The following VPS13D variants were observed in gnomAD, a reference collection of about 807,000 sequenced individuals.
VPS13D encodes vacuolar protein sorting 13 homolog D, also known as intermembrane lipid transfer protein VPS13D.
In VPS13D, 187 loss-of-function variants were observed where a neutral mutation model predicts 461.9. That is an observed-to-expected ratio of 0.40 (90% CI 0.36 to 0.46). The LOEUF is 0.46. Among genes scored for constraint, VPS13D ranks in the 20% least tolerant of loss-of-function variants. The pLI is 0.60. For synonymous variants in VPS13D, 1,951 were observed against 1,986.3 expected (o/e 0.98, Z 0.47); for missense variants, 4,711 against 5,364.9 (o/e 0.88, Z 3.81).
Position 12,440,657 on chromosome 1 carries a change from C to T in VPS13D, c.12334-15341C>T, listed in dbSNP as rs572022965. On this transcript the variant is annotated intron_variant, in intron 65 of 69. Coordinates refer to ENST00000620676, the MANE Select transcript of VPS13D (RefSeq NM_015378.4). ...TTGTGGGGCTGAGGTGGGTGGATCACTTGAGGCCAGGAGTTGGAGCTCAGC... is the reference window on the plus strand; with the variant it reads ...TTGTGGGGCTGAGGTGGGTGGATCATTTGAGGCCAGGAGTTGGAGCTCAGC... 2.6e-5 allele frequency among the ~76,000 whole-genome samples: 4 copies of T among 152,270 alleles called. No homozygotes were observed. The South Asian group carries it at 6.2e-4, about 24-fold the overall frequency.
intron 7 of VPS13D, among the ~76,000 whole-genome samples, chr1:12,254,513 CTTTTT>C (rs1017635589): frequency 3.8e-5 from 3 of 78,256 alleles, no homozygotes; most frequent in Non-Finnish European, 5.2e-5. Context: ...AAATCTCAAT[CTTTTT>C]TTTTTTTTTT....
intron 18 of VPS13D, among the ~76,000 whole-genome samples, chr1:12,274,425 T>C (rs1196998496): frequency 6.6e-6 from 1 of 151,648 alleles, no homozygotes; most frequent in Non-Finnish European, 1.5e-5. Context: ...GATCTACCTG[T>C]CTTGGCGACC....
rs779649386 is a variant in VPS13D, at chr1:12,290,964, A to ACATAGTAAT, written c.5726-33_5726-25dup. 3.4e-5 allele frequency: 53 copies of ACATAGTAAT among 1,563,770 alleles called. No homozygotes were observed. In the Middle Eastern group the frequency reaches 5.1e-4, roughly 15 times the overall value. On this transcript the variant is annotated intron_variant, in intron 22 of 69. Coordinates refer to ENST00000620676, the MANE Select transcript of VPS13D (RefSeq NM_015378.4). ...TTTAAGTTGTGTGACAAAAAAGGAT[A>ACATAGTAAT]CATAGTAATGTGTTCTAACTTTATC...
chr1:12,283,197 A>G lies in VPS13D; in HGVS notation c.5095A>G (p.Ser1699Gly). ...MVSRGAPKPSSLAQKEYLSQS... is the reference protein window; with the variant it reads ...MVSRGAPKPSGLAQKEYLSQS... ...GTCTCGAGGAGCCCCTAAGCCATCT[A>G]GTTTAGCACAAAAAGAATACCTTTC... Residue 1699 changes from serine (S) to glycine (G), a missense_variant, in exon 21 of 70, where the codon AGT (serine) becomes GGT (glycine). Physicochemically the swap from Ser to Gly is moderately conservative, Grantham distance 56. This residue lies in a region of VPS13D where 4,411 missense variants were observed against 4,937.8 expected (regional missense o/e 0.89). Coordinates refer to ENST00000620676, the MANE Select transcript of VPS13D (RefSeq NM_015378.4). The G allele has an allele frequency of 2.3e-5, 37 of 1,614,200 alleles. No individual in the cohort carries two copies. Among genetic ancestry groups the G allele is most frequent in the Non-Finnish European group, 3.1e-5 (36 of 1,180,016 alleles).
Position 12,230,956 on chromosome 1 carries a change from G to T in VPS13D, c.-77+836G>T, listed in dbSNP as rs1222598910. Among the ~76,000 whole-genome samples, 8 of 152,250 alleles carry T rather than the reference G, an allele frequency of 5.3e-5. No individual in the cohort carries two copies. In the South Asian group the frequency reaches 1.4e-3, roughly 28 times the overall value. On this transcript the variant is annotated intron_variant, in intron 1 of 69. Transcript: ENST00000620676. Reference sequence around the variant, plus strand: ...TCGCCTTCCGGGCAGTGCCGTTCCTGTGGGGCCACCGGTCGCACAGCCGTC... The same window carrying T: ...TCGCCTTCCGGGCAGTGCCGTTCCTTTGGGGCCACCGGTCGCACAGCCGTC...
At chr1:12,446,428 A>G (rs1173532687) in intron 65 of VPS13D, among the ~76,000 whole-genome samples, 1 of 152,026 alleles carries the variant, frequency 6.6e-6, no homozygotes, top group African/African-American at 2.4e-5. Context: ...AAAAAGAAAA[A>G]AAAAAAAAAG....
intron 6 of VPS13D, among the ~76,000 whole-genome samples, chr1:12,253,184 A>G (rs1640796716): frequency 6.6e-6 from 1 of 152,136 alleles, no homozygotes; most frequent in South Asian, 2.1e-4. Flanking sequence ...AATTCTGTAT[A>G]ACAATGATTT....
chr1:12,368,564 T>A lies in VPS13D; in HGVS notation c.10545T>A (p.Pro3515=), dbSNP rs138589707. 1.3e-4 allele frequency: 206 copies of A among 1,613,264 alleles called. 1 individual carries two copies. Among genetic ancestry groups the A allele is most frequent in the Non-Finnish European group, 1.6e-4 (193 of 1,179,710 alleles). The change falls in exon 53 of 70, where the codon CCT becomes CCA. Residue 3515 remains proline (P), a synonymous_variant. Transcript: ENST00000620676. ...TTAGTGACACAGATCAGTTACCTCCTCCTTTCCGAATTGACAACTTTTCTA... is the reference window on the plus strand; with the variant it reads ...TTAGTGACACAGATCAGTTACCTCCACCTTTCCGAATTGACAACTTTTCTA... The part of the protein sequence containing the change: ...ISFSDTDQLP[P]PFRIDNFSKV...
At chr1:12,453,569 G>A (rs1459633258) in intron 65 of VPS13D, among the ~76,000 whole-genome samples, 1 of 152,188 alleles carries the variant, frequency 6.6e-6, no homozygotes, top group Non-Finnish European at 1.5e-5. Flanking sequence ...TCTGGAACCT[G>A]AAGAACGCTG....
At chr1:12,330,045 A>C (rs1181825272) in intron 37 of VPS13D, 127 bp downstream of exon 37, 1 of 709,826 alleles carries the variant, frequency 1.4e-6, no homozygotes, top group African/African-American at 1.8e-5. Context: ...AAAGATGAAA[A>C]GCAAGTAGAC....
rs115258223 is a variant in VPS13D at position 12,394,539 on chromosome 1, C to T, written c.11635-5642C>T. The stretch of plus-strand genomic sequence containing the variant: ...TGTAGCTAATGATTGCTGTTCCCAC[C>T]GTTAGATCTGACATACAGAGAAAAG... On this transcript the variant is annotated intron_variant, in intron 60 of 69. Coordinates refer to ENST00000620676, the MANE Select transcript of VPS13D (RefSeq NM_015378.4). Among the ~76,000 whole-genome samples the T allele has an allele frequency of 3.6e-3, 545 of 152,256 alleles. 2 individuals are homozygous for T. Among genetic ancestry groups the T allele is most frequent in the African/African-American group, 0.011 (459 of 41,548 alleles).
At chr1:12,381,822 G>T (rs533020286) in intron 57 of VPS13D, among the ~76,000 whole-genome samples, 3 of 152,220 alleles carry the variant, frequency 2.0e-5, no homozygotes, top group South Asian at 2.1e-4. Context: ...GATTCTGGAG[G>T]CTGCCTGATT....
chr1:12,291,185 C>CT, intron 23 of VPS13D, 61 bp downstream of exon 23: 1 of 1,559,752 alleles, frequency 6.4e-7, no homozygotes, highest in Non-Finnish European at 8.7e-7. Flanking sequence ...GTTTCAGATT[C>CT]TTGTTGGCTA....
intron 60 of VPS13D, among the ~76,000 whole-genome samples, chr1:12,388,395 T>G (rs1267381065): frequency 6.6e-6 from 1 of 151,900 alleles, no homozygotes; most frequent in Non-Finnish European, 1.5e-5. Flanking sequence ...GCCAACGTGG[T>G]GAAACCCCAT....
chr1:12,401,938 G>GA (rs1430420098), intron 62 of VPS13D, among the ~76,000 whole-genome samples: 2 of 152,158 alleles, frequency 1.3e-5, no homozygotes, highest in Non-Finnish European at 2.9e-5. Context: ...TGGAATCCTG[G>GA]AGTATCCAGT....
intron 53 of VPS13D, 147 bp from the exon 54 acceptor site, chr1:12,369,320 T>G: frequency 5.5e-6 from 4 of 721,316 alleles, no homozygotes; most frequent in Non-Finnish European, 9.3e-6. Context: ...ATTCGAAAGG[T>G]GAGATGATGA....
At chr1:12,415,427 T>C (rs1253776860) in intron 64 of VPS13D, among the ~76,000 whole-genome samples, 1 of 152,152 alleles carries the variant, frequency 6.6e-6, no homozygotes, top group East Asian at 1.9e-4. Context: ...GAGCTGTTAG[T>C]TTCATCCCTC....
At position 12,403,919 on chromosome 1, in the gene VPS13D, T is replaced by C. The variant is rs1644613376; in HGVS notation, c.11976T>C (p.Ile3992=). The C allele has an allele frequency of 6.2e-7, 1 of 1,613,718 alleles. No individual in the cohort carries two copies. Among genetic ancestry groups the C allele is most frequent in the Non-Finnish European group, 8.5e-7 (1 of 1,179,918 alleles). ...RYYFENLKIS[I]PQIKLSVFTS... is the part of the protein sequence containing the mutation. ...ACTTTGAAAATCTCAAAATCAGCAT[T>C]CCTCAGATCAAGCTAAGTGTGTTCA... Residue 3992 remains isoleucine, a synonymous_variant, in exon 63 of 70, where the codon ATT becomes ATC. Coordinates refer to ENST00000620676, the MANE Select transcript of VPS13D (RefSeq NM_015378.4).
intron 67 of VPS13D, among the ~76,000 whole-genome samples, chr1:12,485,470 A>C (rs1039224340): frequency 3.9e-4 from 60 of 152,220 alleles, no homozygotes; most frequent in Admixed American, 3.9e-3. Flanking sequence ...TCTGGCCCGC[A>C]TCACCCTGTG....
Sources: gnomAD v4.1 joint callset for allele counts (sites outside exome capture counted in the v4.1 genomes callset) on GRCh38, gnomAD v4.1.1 for gene constraint, gnomAD v4.1.1 regional missense constraint, MANE v1.5 for transcripts, NCBI Gene and HGNC (gene_info 2026-07-23, HGNC 2026-07-21) for gene names.